SAMD3: variants seen among roughly 807,000 people sequenced by gnomAD.
SAMD3 encodes the protein sterile alpha motif domain-containing protein 3.
Under a neutral mutation model 58.5 loss-of-function variants are expected in SAMD3, and 63 were observed. The observed-to-expected ratio is 1.08, with a 90% CI of 0.88 to 1.33. The LOEUF (loss-of-function observed/expected upper bound fraction) is 1.33. Among genes scored for constraint, SAMD3 ranks in the 40% most tolerant of loss-of-function variants. The probability of loss-of-function intolerance (pLI) is 0.00; values close to 1 mark genes in which losing one functional copy is unlikely to be tolerated. For missense variants in SAMD3, 604 were observed against 608.4 expected (o/e 0.99, Z 0.08); for synonymous variants, 220 against 210.3 (o/e 1.05, Z -0.40).
chr6:130,165,118 A>G (rs190579796), intron 8 of SAMD3, among the ~76,000 whole-genome samples: 53 of 152,284 alleles, frequency 3.5e-4, no homozygotes, highest in Admixed American at 2.0e-3. Context: ...AATTCAAACA[A>G]CTGTTGTTTC....
intron 2 of SAMD3, among the ~76,000 whole-genome samples, chr6:130,300,380 A>C (rs944982582): frequency 8.1e-5 from 12 of 148,552 alleles, no homozygotes; most frequent in Non-Finnish European, 6.0e-5. Context: ...CAATAGACAG[A>C]AAAAGCATTT....
intron 2 of SAMD3, among the ~76,000 whole-genome samples, chr6:130,248,133 C>T (rs1403839972): frequency 6.6e-6 from 1 of 151,882 alleles, no homozygotes; most frequent in Non-Finnish European, 1.5e-5. Context: ...TTTGATCACC[C>T]TGTTATTTTG....
At chr6:130,268,040 T>C (rs541329412) in intron 2 of SAMD3, among the ~76,000 whole-genome samples, 2 of 152,294 alleles carry the variant, frequency 1.3e-5, no homozygotes, top group Admixed American at 6.5e-5. Context: ...ATTGTAACCA[T>C]CATAATTTCA....
intron 5 of SAMD3, among the ~76,000 whole-genome samples, chr6:130,190,259 G>C (rs1307897815): frequency 6.6e-6 from 1 of 151,720 alleles, no homozygotes; most frequent in Non-Finnish European, 1.5e-5. Context: ...GAACACAACA[G>C]ATTCAAGAGA....
At chr6:130,172,230 G>A (rs893783495) in intron 8 of SAMD3, among the ~76,000 whole-genome samples, 2 of 152,192 alleles carry the variant, frequency 1.3e-5, no homozygotes, top group African/African-American at 4.8e-5. Context: ...ATATTGTTAT[G>A]TGTGAATTTG....
chr6:130,255,730 G>A (rs1583013353), intron 2 of SAMD3, among the ~76,000 whole-genome samples: 1 of 151,922 alleles, frequency 6.6e-6, no homozygotes. Context: ...CTGAACTCAA[G>A]CGATCCCCCC....
chr6:130,315,430 A>G (rs1167522751), intron 1 of SAMD3, among the ~76,000 whole-genome samples: 3 of 152,190 alleles, frequency 2.0e-5, no homozygotes, highest in African/African-American at 7.2e-5. Flanking sequence ...ACATAAAGTC[A>G]TTTGGCCTGT....
At chr6:130,303,565 G>T (rs1393008603) in intron 2 of SAMD3, among the ~76,000 whole-genome samples, 1 of 152,124 alleles carries the variant, frequency 6.6e-6, no homozygotes, top group Non-Finnish European at 1.5e-5. Flanking sequence ...AAGCCAAAAA[G>T]TTTGGAGTCA....
At chr6:130,231,465 G>A (rs1017136619) in intron 2 of SAMD3, among the ~76,000 whole-genome samples, 5 of 152,192 alleles carry the variant, frequency 3.3e-5, no homozygotes, top group Non-Finnish European at 7.3e-5. Flanking sequence ...TGGGGAGGCT[G>A]AGGCAGGAGA....
At chr6:130,317,931 C>G (rs1261496275) in intron 1 of SAMD3, among the ~76,000 whole-genome samples, 1 of 152,072 alleles carries the variant, frequency 6.6e-6, no homozygotes, top group Admixed American at 6.6e-5. Context: ...GTTGATTGAC[C>G]GGGAAGGCCA....
chr6:130,344,771 AAGG>A (rs1777387812), intron 1 of SAMD3, among the ~76,000 whole-genome samples: 1 of 145,722 alleles, frequency 6.9e-6, no homozygotes, highest in Admixed American at 7.0e-5. Context: ...AGAAAGAAAG[AAGG>A]AGGAGAGGGG....
At chr6:130,337,053 C>A (rs1490067820) in intron 1 of SAMD3, among the ~76,000 whole-genome samples, 2 of 152,190 alleles carry the variant, frequency 1.3e-5, no homozygotes, top group Non-Finnish European at 2.9e-5. Flanking sequence ...GTACCGTTTG[C>A]ACTGAGTACA....
In SAMD3 at chr6:130,200,410, G is replaced by A. The variant is rs539190074; in HGVS notation, c.383+9085C>T. On this transcript the variant is annotated intron_variant, in intron 5 of 11. Coordinates refer to ENST00000439090, the MANE Select transcript of SAMD3 (RefSeq NM_001017373.4). Reference sequence around the variant, plus strand: ...CAAAAAAAAAAAAAATTAGCCGGGCGTGGTTGCATGCAACTGTAGTCCCAG... The same window carrying A: ...CAAAAAAAAAAAAAATTAGCCGGGCATGGTTGCATGCAACTGTAGTCCCAG... Among the ~76,000 whole-genome samples, 8 of 150,832 alleles carry A rather than the reference G, an allele frequency of 5.3e-5. No individual in the cohort carries two copies. The East Asian group carries it at 1.6e-3, about 29-fold the overall frequency.
At chr6:130,201,877 T>C (rs1794680394) in intron 5 of SAMD3, among the ~76,000 whole-genome samples, 2 of 152,236 alleles carry the variant, frequency 1.3e-5, no homozygotes, top group African/African-American at 4.8e-5. Flanking sequence ...CCAGAAAGTC[T>C]TATTTCTCCC....
chr6:130,209,595 C>T lies in SAMD3; in HGVS notation c.283G>A (p.Glu95Lys), dbSNP rs1416623676. The T allele has an allele frequency of 6.2e-7, 1 of 1,611,176 alleles. No individual in the cohort carries two copies. The highest frequency in any genetic ancestry group is 8.5e-7 in the Non-Finnish European group (1 of 1,177,422). ...TEAARDYRDE[E>K]SSSPARHGEQ... ...CCATGCCTGGCTGGACTGGAGGACT[C>T]TTCATCCCTGTAACTAAGAAAGAAG... is the stretch of plus-strand genomic sequence containing the variant. The change falls in exon 5 of 12, where the codon GAG becomes AAG. Residue 95 changes from glutamate (E) to lysine (K), a missense_variant. By Grantham distance (56) the Glu-to-Lys change is moderately conservative. Coordinates refer to ENST00000439090, the MANE Select transcript of SAMD3 (RefSeq NM_001017373.4).
intron 1 of SAMD3, among the ~76,000 whole-genome samples, chr6:130,346,082 G>T (rs181665239): frequency 1.1e-3 from 169 of 152,332 alleles, no homozygotes; most frequent in Non-Finnish European, 1.6e-3. Context: ...AATTAATATG[G>T]TTGGGAGGAG....
At chr6:130,215,344 C>A in intron 2 of SAMD3, 50 bp from the exon 3 acceptor site, 1 of 1,291,310 alleles carries the variant, frequency 7.7e-7, no homozygotes, top group African/African-American at 2.7e-5. Context: ...TCTGATTGTG[C>A]CTTAATTTTT....
intron 1 of SAMD3, among the ~76,000 whole-genome samples, chr6:130,356,630 G>C (rs906524841): frequency 1.3e-5 from 2 of 152,188 alleles, no homozygotes; most frequent in Non-Finnish European, 2.9e-5. Flanking sequence ...TTGAATAAAG[G>C]AACAAATAGT....
chr6:130,258,241 T>C (rs939456441), intron 2 of SAMD3, among the ~76,000 whole-genome samples: 4 of 152,178 alleles, frequency 2.6e-5, no homozygotes, highest in African/African-American at 9.6e-5. Context: ...TATTGTTTTC[T>C]CTCCTTTTAC....
Sources: allele counts gnomAD v4.1 joint callset (sites outside exome capture counted in the v4.1 genomes callset), GRCh38; gene constraint gnomAD v4.1.1; transcripts MANE v1.5; gene names NCBI Gene and HGNC (gene_info 2026-07-23, HGNC 2026-07-21).